ZFR: variants seen among roughly 807,000 people sequenced by gnomAD.
The protein encoded by ZFR is zinc finger RNA binding protein.
Under a neutral mutation model 130.7 loss-of-function variants are expected in ZFR, and 19 were observed. The observed-to-expected ratio is 0.15, with a 90% CI of 0.10 to 0.21. ZFR has a LOEUF of 0.21. ZFR is among the 10% of genes least tolerant of loss of function. The pLI, the probability that ZFR is intolerant of heterozygous loss-of-function variation, is 1.00. For missense variants in ZFR, 872 were observed against 1,321.5 expected (o/e 0.66, Z 5.27); for synonymous variants, 466 against 456.9 (o/e 1.02, Z -0.25).
chr5:32,442,290 C>CA (rs1170677850), intron 2 of ZFR, among the ~76,000 whole-genome samples: 1 of 152,176 alleles, frequency 6.6e-6, no homozygotes, highest in African/African-American at 2.4e-5. Context: ...ATTTATGGCA[C>CA]AGATGCTGAT....
chr5:32,432,918 G>C (rs535860354), intron 2 of ZFR, among the ~76,000 whole-genome samples: 147 of 149,840 alleles, frequency 9.8e-4, no homozygotes, highest in Middle Eastern at 3.4e-3. Context: ...TTTTTAAACA[G>C]AGATGAGGTC....
At chr5:32,444,204 C>G (rs1232172124) in intron 2 of ZFR, 25 bp downstream of exon 2, 1 of 1,593,250 alleles carries the variant, frequency 6.3e-7, no homozygotes, top group South Asian at 1.1e-5. Context: ...AAGGGGCGAA[C>G]AGAGAGAAGG....
At chr5:32,435,530 TAA>T (rs1397140544) in intron 2 of ZFR, among the ~76,000 whole-genome samples, 1 of 152,232 alleles carries the variant, frequency 6.6e-6, no homozygotes, top group East Asian at 1.9e-4. Context: ...GCTTATAGTA[TAA>T]AACGGTTTGG....
chr5:32,376,954 G>A (rs926500603), intron 17 of ZFR, among the ~76,000 whole-genome samples: 1 of 118,868 alleles, frequency 8.4e-6, no homozygotes, highest in Non-Finnish European at 1.8e-5. Context: ...ACTCCAGCCT[G>A]GGCGACAAGC....
intron 2 of ZFR, among the ~76,000 whole-genome samples, chr5:32,435,198 A>G (rs1212255091): frequency 1.3e-5 from 2 of 152,340 alleles, no homozygotes; most frequent in East Asian, 1.9e-4. Flanking sequence ...GGCATGAACC[A>G]CAACACCCGA....
At chr5:32,382,214 G>A (rs1321502347) in intron 15 of ZFR, among the ~76,000 whole-genome samples, 1 of 152,128 alleles carries the variant, frequency 6.6e-6, no homozygotes, top group Non-Finnish European at 1.5e-5. Context: ...GGGAGGCTGA[G>A]GCATGAGAAT....
chr5:32,354,734 G>A lies in ZFR; in HGVS notation c.*1026C>T, dbSNP rs534700306. On this transcript the variant is annotated 3_prime_UTR_variant, in exon 20 of 20. Transcript: ENST00000265069. ...TGGAGAAGATCATCTGTGTTATACT[G>A]TAATAGTTGCTAGAGTAATCTCACA... 2 of 152,662 alleles carry A rather than the reference G, an allele frequency of 1.3e-5. No homozygotes were observed. Among genetic ancestry groups the A allele is most frequent in the African/African-American group, 4.8e-5 (2 of 41,542 alleles). The allele number at this position is 152,662 out of a possible 1,614,324, so 9.5% of individuals were successfully genotyped here. A position where few individuals can be genotyped will look rare whatever the true frequency, so the allele number is the denominator to read the frequency against.
chr5:32,412,240 T>C (rs1365098604), intron 5 of ZFR, among the ~76,000 whole-genome samples: 4 of 152,186 alleles, frequency 2.6e-5, no homozygotes, highest in African/African-American at 4.8e-5. Flanking sequence ...AAACAAACAT[T>C]ACTTATTACA....
intron 17 of ZFR, among the ~76,000 whole-genome samples, chr5:32,377,059 G>C (rs1752830904): frequency 6.6e-6 from 1 of 150,664 alleles, no homozygotes; most frequent in Non-Finnish European, 1.5e-5. Flanking sequence ...CGGAGGCTGA[G>C]GAAGGAGAAT....
intron 2 of ZFR, among the ~76,000 whole-genome samples, chr5:32,437,098 T>C (rs1361584458): frequency 6.6e-6 from 1 of 152,230 alleles, no homozygotes; most frequent in Non-Finnish European, 1.5e-5. Context: ...CAGATATTTG[T>C]CTTGGCTCAA....
chr5:32,362,613 A>G (rs1752462466), intron 19 of ZFR, among the ~76,000 whole-genome samples: 1 of 152,228 alleles, frequency 6.6e-6, no homozygotes, highest in African/African-American at 2.4e-5. Context: ...TTCTGTTGCC[A>G]AAAGACCCCC....
At chr5:32,408,704 TATTA>T (rs1334103316) in intron 5 of ZFR, among the ~76,000 whole-genome samples, 2 of 152,212 alleles carry the variant, frequency 1.3e-5, no homozygotes, top group African/African-American at 4.8e-5. Context: ...CAGTAGAGTT[TATTA>T]GTTTATAGAA....
intron 8 of ZFR, among the ~76,000 whole-genome samples, chr5:32,402,601 T>C (rs1753478256): frequency 7.1e-6 from 1 of 140,638 alleles, no homozygotes; most frequent in Non-Finnish European, 1.5e-5. Context: ...ACCCCATCTC[T>C]ACCAAAAAAA....
intron 2 of ZFR, among the ~76,000 whole-genome samples, chr5:32,421,958 G>GA (rs1265352556): frequency 1.3e-5 from 2 of 151,668 alleles, no homozygotes; most frequent in Admixed American, 6.6e-5. Context: ...TCCTGGAACT[G>GA]AAAAAAAAGA....
intron 2 of ZFR, among the ~76,000 whole-genome samples, chr5:32,438,542 C>A (rs1399340966): frequency 3.9e-5 from 6 of 152,078 alleles, no homozygotes; most frequent in African/African-American, 1.2e-4. Context: ...GGATTACAGG[C>A]ATGAGCCACC....
At chr5:32,431,209 G>GA (rs1754207300) in intron 2 of ZFR, among the ~76,000 whole-genome samples, 1 of 152,130 alleles carries the variant, frequency 6.6e-6, no homozygotes, top group African/African-American at 2.4e-5. Context: ...AAATATGAAG[G>GA]TAAACTTAAA....
intron 5 of ZFR, among the ~76,000 whole-genome samples, chr5:32,410,172 G>C (rs1753671140): frequency 6.7e-6 from 1 of 149,694 alleles, no homozygotes; most frequent in Admixed American, 6.8e-5. Context: ...CCGGTGTGGT[G>C]GCATGCACCG....
chr5:32,417,929 A>G (rs752457385), intron 3 of ZFR, 137 bp from the exon 4 acceptor site: 8 of 796,560 alleles, frequency 1.0e-5, no homozygotes, highest in African/African-American at 1.7e-5. Flanking sequence ...TAAAAGAATC[A>G]AATTAAATAC....
Position 32,355,726 on chromosome 5 carries a change from T to C in ZFR, c.*34A>G, listed in dbSNP as rs370474090. On this transcript the variant is annotated 3_prime_UTR_variant, in exon 20 of 20. Coordinates refer to ENST00000265069, the MANE Select transcript of ZFR (RefSeq NM_016107.5). Reference sequence around the variant, plus strand: ...GAAAAACAGCCAACAAATGGGCATCTGTTTTTTTAACACTGAAGATTTACA... The same window carrying C: ...GAAAAACAGCCAACAAATGGGCATCCGTTTTTTTAACACTGAAGATTTACA... 1.8e-5 allele frequency: 27 copies of C among 1,520,270 alleles called. No homozygotes were observed. In the African/African-American group the frequency reaches 3.7e-4, roughly 21 times the overall value. The allele number at this position is 1,520,270 out of a possible 1,614,324, so 94.2% of individuals were successfully genotyped here.
Sources: allele counts gnomAD v4.1 joint callset (sites outside exome capture counted in the v4.1 genomes callset), GRCh38; gene constraint gnomAD v4.1.1; transcripts MANE v1.5; gene names NCBI Gene and HGNC (gene_info 2026-07-23, HGNC 2026-07-21).